Variants in TNNT2 observed in about 807,000 individuals in gnomAD.
TNNT2 encodes troponin T, cardiac muscle.
Under a neutral mutation model 62.4 loss-of-function variants are expected in TNNT2, and 34 were observed. That is an observed-to-expected ratio of 0.54 (90% CI 0.41 to 0.72). The LOEUF (loss-of-function observed/expected upper bound fraction) is 0.72, where lower values mean the gene tolerates loss of function less well. Among genes scored for constraint, TNNT2 ranks in the 30% least tolerant of loss-of-function variants. The pLI, the probability that TNNT2 is intolerant of heterozygous loss-of-function variation, is 0.00. For missense variants in TNNT2, 275 were observed against 381.9 expected, an observed-to-expected ratio of 0.72 and a Z score of 2.33; for synonymous variants, 123 against 127.2, an observed-to-expected ratio of 0.97 and a Z score of 0.22.
intron 10 of TNNT2, among the ~76,000 whole-genome samples, chr1:201,364,890 G>C (rs1190422757): frequency 6.6e-6 from 1 of 152,186 alleles, no homozygotes; most frequent in Non-Finnish European, 1.5e-5. Flanking sequence ...CAGCAGGCCT[G>C]TGACCAATCA....
At chr1:201,372,089 G>A in intron 3 of TNNT2, 48 bp from the exon 4 acceptor site, 1 of 1,614,112 alleles carries the variant, frequency 6.2e-7, no homozygotes, top group Non-Finnish European at 8.5e-7. Flanking sequence ...GAAGAGGTGG[G>A]TCAGTTTCGA....
At chr1:201,372,611 C>T (rs1660807587) in intron 2 of TNNT2, among the ~76,000 whole-genome samples, 2 of 152,208 alleles carry the variant, frequency 1.3e-5, no homozygotes, top group African/African-American at 2.4e-5. Context: ...CACCAGGCCC[C>T]CAGTTGCTAA....
intron 10 of TNNT2, 131 bp downstream of exon 10, chr1:201,365,060 G>A (rs1380217538): frequency 2.5e-6 from 2 of 810,248 alleles, no homozygotes; most frequent in East Asian, 4.8e-5. Context: ...GAGGGCCTCT[G>A]AAGGAGACCT....
chr1:201,362,163 T>C (rs747136837), intron 13 of TNNT2, 141 bp from the exon 14 acceptor site: 1 of 1,168,374 alleles, frequency 8.6e-7, no homozygotes, highest in South Asian at 1.3e-5. Flanking sequence ...ACCCCCCAAC[T>C]ACCAACTACA....
rs761895785 is a variant in TNNT2 at position 201,369,838 on chromosome 1, C to T, written c.75G>A (p.Glu25=). The part of the protein sequence containing the change: ...EQEEAAVEEE[E]DWREDEDEQE... Reference sequence around the variant, plus strand: ...TACCGTCTTCGTCCTCTCTCCAGTCCTCCTCTTCTGAGGTTCAGGGAGTGG... The same window carrying T: ...TACCGTCTTCGTCCTCTCTCCAGTCTTCCTCTTCTGAGGTTCAGGGAGTGG... Residue 25 remains glutamate, a synonymous_variant, in exon 5 of 17, where the codon GAG becomes GAA. Transcript: ENST00000656932. 2 of 1,614,186 alleles carry T rather than the reference C, an allele frequency of 1.2e-6. No homozygotes were observed. The highest frequency in any genetic ancestry group is 1.1e-5 in the South Asian group (1 of 91,080).
intron 1 of TNNT2, among the ~76,000 whole-genome samples, chr1:201,377,357 C>T (rs1227554897): frequency 6.6e-6 from 1 of 152,170 alleles, no homozygotes; most frequent in Non-Finnish European, 1.5e-5. Context: ...AGAGTTTAAA[C>T]TCTACATCTT....
intron 15 of TNNT2, 99 bp from the exon 16 acceptor site, chr1:201,359,762 T>A: frequency 9.8e-7 from 1 of 1,024,316 alleles, no homozygotes; most frequent in East Asian, 2.6e-5. Flanking sequence ...AGTGCAGCAG[T>A]GCAGGAGGAG....
In TNNT2 at chr1:201,361,098, G is replaced by A. The variant is rs12564577; in HGVS notation, c.810+181C>T. On this transcript the variant is annotated intron_variant, in intron 15 of 16. Transcript: ENST00000656932. ...TCTCAGACACTTCCAGCAAGCAGTC[G>A]TCAATGCGGTGGACATGGAACACTG... 0.044 allele frequency: 32,136 copies of A among 725,552 alleles called. 1,722 individuals carry two copies. The highest frequency in any genetic ancestry group is 0.15 in the African/African-American group (8,863 of 58,204). 44.9% of individuals were successfully genotyped at this position (725,552 alleles called of 1,614,324 possible). A position where few individuals can be genotyped will look rare whatever the true frequency, so the allele number is the denominator to read the frequency against.
chr1:201,367,726 AG>A, intron 7 of TNNT2, 44 bp downstream of exon 7: 1 of 1,606,872 alleles, frequency 6.2e-7, no homozygotes, highest in Non-Finnish European at 8.5e-7. Context: ...AGCTGCTGTG[AG>A]GGGTTCCTTT....
At chr1:201,363,946 G>A (rs1659189311) in intron 11 of TNNT2, 1 of 312,228 alleles carries the variant, frequency 3.2e-6, no homozygotes, top group African/African-American at 2.2e-5. Flanking sequence ...AGAGTGCAAT[G>A]GCATGACCTC....
intron 2 of TNNT2, 121 bp downstream of exon 2, chr1:201,373,093 C>T (rs748681174): frequency 1.2e-5 from 12 of 1,003,204 alleles, no homozygotes; most frequent in Admixed American, 3.4e-5. Context: ...CCTCGGGGTG[C>T]CCAAAACACA....
At chr1:201,370,009 AG>A (rs34582564) in intron 4 of TNNT2, among the ~76,000 whole-genome samples, 164 bp from the exon 5 acceptor site, 1 of 152,178 alleles carries the variant, frequency 6.6e-6, no homozygotes, top group African/African-American at 2.4e-5. Flanking sequence ...TTCCAGCAAC[AG>A]GGGCAACTCT....
chr1:201,361,507 C>T (rs1364722744), intron 14 of TNNT2, 138 bp from the exon 15 acceptor site: 3 of 856,114 alleles, frequency 3.5e-6, no homozygotes. Flanking sequence ...CCAGCCCACC[C>T]CCTGGGCCTG....
intron 9 of TNNT2, 146 bp from the exon 10 acceptor site, chr1:201,365,453 C>T (rs1035087935): frequency 8.4e-7 from 1 of 1,184,468 alleles, no homozygotes; most frequent in Admixed American, 1.7e-5. Flanking sequence ...GTGGCCTGAA[C>T]CCAGGACCAC....
intron 1 of TNNT2, among the ~76,000 whole-genome samples, chr1:201,377,324 G>T (rs535791488): frequency 2.0e-5 from 3 of 152,300 alleles, no homozygotes. Context: ...ACTGAGGCCT[G>T]GGGAGGGAAA....
intron 5 of TNNT2, chr1:201,369,194 C>G: frequency 2.3e-6 from 1 of 440,196 alleles, no homozygotes; most frequent in Non-Finnish European, 4.8e-6. Context: ...GGGGAGCTTA[C>G]TGCCTCCCCA....
At chr1:201,359,798 G>T in intron 15 of TNNT2, 135 bp from the exon 16 acceptor site, 1 of 813,450 alleles carries the variant, frequency 1.2e-6, no homozygotes, top group East Asian at 2.7e-5. Flanking sequence ...AGAGTAGGAG[G>T]GGTTAGGATA....
intron 4 of TNNT2, among the ~76,000 whole-genome samples, chr1:201,370,192 C>A (rs1460188936): frequency 6.6e-6 from 1 of 152,188 alleles, no homozygotes; most frequent in Non-Finnish European, 1.5e-5. Context: ...GACGACAGAG[C>A]CTTGGCCTCC....
chr1:201,366,368 C>A (rs1334279463), intron 8 of TNNT2: 4 of 1,055,028 alleles, frequency 3.8e-6, no homozygotes, highest in Non-Finnish European at 4.6e-6. Context: ...CCCCAGCCCC[C>A]CCCAGCACAC....
Sources: gnomAD v4.1 joint callset for allele counts (sites outside exome capture counted in the v4.1 genomes callset) on GRCh38, gnomAD v4.1.1 for gene constraint, MANE v1.5 for transcripts, NCBI Gene and HGNC (gene_info 2026-07-23, HGNC 2026-07-21) for gene names.